The following YY1 variants were observed in gnomAD, a reference collection of about 807,000 sequenced individuals.
YY1 encodes transcriptional repressor protein YY1.
A neutral mutation model predicts 35.6 loss-of-function variants in YY1; 2 were observed. That is an observed-to-expected ratio of 0.06 (90% confidence interval 0.02 to 0.18). YY1 has a LOEUF of 0.18. YY1 is among the 10% of genes least tolerant of loss of function. The probability of loss-of-function intolerance (pLI) is 1.00; values close to 1 mark genes in which losing one functional copy is unlikely to be tolerated. For missense variants in YY1, 322 were observed against 573.4 expected (o/e 0.56, Z 4.48); for synonymous variants, 268 against 238.9 (o/e 1.12, Z -1.12).
intron 1 of YY1, among the ~76,000 whole-genome samples, chr14:100,256,979 C>CT: frequency 6.6e-6 from 1 of 151,776 alleles, no homozygotes; most frequent in East Asian, 1.9e-4. Flanking sequence ...CTTTAGGCTT[C>CT]TTTCATATAT....
At chr14:100,251,926 C>T (rs1890931151) in intron 1 of YY1, among the ~76,000 whole-genome samples, 1 of 152,122 alleles carries the variant, frequency 6.6e-6, no homozygotes, top group Non-Finnish European at 1.5e-5. Flanking sequence ...CTGTGCCTGG[C>T]CTCATTGTTT....
rs1891319960 is a variant in YY1, at chr14:100,276,466, C to A, written c.904-24C>A. 6.2e-7 allele frequency: 1 copy of A among 1,614,058 alleles called. No individual in the cohort carries two copies. The highest frequency in any genetic ancestry group is 8.5e-7 in the Non-Finnish European group (1 of 1,180,032). ...TTCTAACAGTTTGCAATGTGAACTT[C>A]TAAGCTGCTTTCTCTGTTTTAAGGG... On this transcript the variant is annotated intron_variant, in intron 3 of 4. Coordinates refer to ENST00000262238, the MANE Select transcript of YY1 (RefSeq NM_003403.5). The surrounding 1 kb of genome is among the most constrained non-coding windows in gnomAD (Gnocchi z 4.1).
intron 2 of YY1, chr14:100,265,391 CAA>C: frequency 6.7e-6 from 1 of 148,448 alleles, no homozygotes; most frequent in Non-Finnish European, 1.5e-5. Flanking sequence ...CCTCCCCCAC[CAA>C]AAAAAAAGAG....
At chr14:100,252,196 C>T (rs1172245545) in intron 1 of YY1, among the ~76,000 whole-genome samples, 2 of 152,112 alleles carry the variant, frequency 1.3e-5, no homozygotes, top group Non-Finnish European at 2.9e-5. Flanking sequence ...CTAGCCTTTC[C>T]ATTTATTTAG....
At chr14:100,258,656 A>G (rs1042115504) in intron 1 of YY1, among the ~76,000 whole-genome samples, 2 of 152,172 alleles carry the variant, frequency 1.3e-5, no homozygotes, top group African/African-American at 4.8e-5. Flanking sequence ...CCCGGCCCTC[A>G]TGAGTTTACA....
At chr14:100,270,162 C>T (rs1452889732) in intron 2 of YY1, among the ~76,000 whole-genome samples, 1 of 143,494 alleles carries the variant, frequency 7.0e-6, no homozygotes, top group East Asian at 2.1e-4. Context: ...ACTCAGGAGG[C>T]TGAGGCAGGA....
At chr14:100,275,366 G>A (rs145322624) in intron 3 of YY1, among the ~76,000 whole-genome samples, 21 of 152,262 alleles carry the variant, frequency 1.4e-4, no homozygotes, top group Admixed American at 1.2e-3. Context: ...ATGAACAATC[G>A]GAGCAGGCTA....
At chr14:100,247,395 T>C (rs1030851965) in intron 1 of YY1, among the ~76,000 whole-genome samples, 4 of 151,774 alleles carry the variant, frequency 2.6e-5, no homozygotes, top group Non-Finnish European at 5.9e-5. Flanking sequence ...TTTTTTTTTT[T>C]TTTCGAGACA....
At chr14:100,248,711 G>C (rs1419188940) in intron 1 of YY1, among the ~76,000 whole-genome samples, 4 of 138,392 alleles carry the variant, frequency 2.9e-5, no homozygotes, top group Non-Finnish European at 6.2e-5. Context: ...TTATTGAAAC[G>C]GTGTCTCGCT....
chr14:100,246,584 G>A (rs185438010), intron 1 of YY1, among the ~76,000 whole-genome samples: 19 of 152,286 alleles, frequency 1.2e-4, no homozygotes, highest in East Asian at 7.7e-4. Flanking sequence ...ATAGAGAAGC[G>A]GCTTGTGCTG....
rs1039426711 is a variant in YY1, at chr14:100,268,162, T to G, written c.842+5696T>G. Among the ~76,000 whole-genome samples the G allele has an allele frequency of 3.3e-5, 5 of 152,256 alleles. No individual in the cohort carries two copies. The South Asian group carries it at 8.3e-4, about 25-fold the overall frequency. On this transcript the variant is annotated intron_variant, in intron 2 of 4. Coordinates refer to ENST00000262238, the MANE Select transcript of YY1 (RefSeq NM_003403.5). ...CCGCAGCTGTTGGCTTAAGGTAGAA[T>G]GTAAGCTGCTTTTCTGTCTCCTCTG...
chr14:100,272,598 G>T (rs1351648525), intron 2 of YY1, among the ~76,000 whole-genome samples: 3 of 150,830 alleles, frequency 2.0e-5, no homozygotes, highest in Non-Finnish European at 3.0e-5. Context: ...AAAGAGTGGT[G>T]GTAAATTAGC....
rs563210987 is a variant in YY1 at position 100,241,988 on chromosome 14, G to C, written c.679+2065G>C. Among the ~76,000 whole-genome samples the C allele has an allele frequency of 1.6e-3, 238 of 146,464 alleles. 20 individuals carry two copies. The highest frequency in any genetic ancestry group is 5.7e-3 in the African/African-American group (229 of 40,038). Reference sequence around the variant, plus strand: ...AGACTCTGTCTCAAAAGGGGGGGGGGGGCATTTTTTTTTGTTAATACCAAT... The same window carrying C: ...AGACTCTGTCTCAAAAGGGGGGGGGCGGCATTTTTTTTTGTTAATACCAAT... On this transcript the variant is annotated intron_variant, in intron 1 of 4. Coordinates refer to ENST00000262238, the MANE Select transcript of YY1 (RefSeq NM_003403.5).
At chr14:100,257,604 T>C (rs1891022677) in intron 1 of YY1, among the ~76,000 whole-genome samples, 1 of 150,662 alleles carries the variant, frequency 6.6e-6, no homozygotes, top group Non-Finnish European at 1.5e-5. Context: ...AGCCCTCTGG[T>C]TCTCTCTATG....
intron 2 of YY1, among the ~76,000 whole-genome samples, chr14:100,268,682 T>C (rs960223422): frequency 2.0e-5 from 3 of 152,234 alleles, no homozygotes; most frequent in African/African-American, 7.2e-5. Context: ...AGATAATTCA[T>C]TGAACAAACT....
At chr14:100,262,201 G>A in intron 1 of YY1, 103 bp from the exon 2 acceptor site, 1 of 1,248,010 alleles carries the variant, frequency 8.0e-7, no homozygotes, top group African/African-American at 1.5e-5. Flanking sequence ...AATTGAGCTG[G>A]TGGCTATAAA....
chr14:100,281,061 C>T lies in YY1; in HGVS notation c.*3461C>T, dbSNP rs12717676. The T allele has an allele frequency of 4.0e-5, 4 of 100,882 alleles. No homozygotes were observed. Among genetic ancestry groups the T allele is most frequent in the Non-Finnish European group, 5.4e-5 (3 of 55,736 alleles). 6.2% of individuals were successfully genotyped at this position (100,882 alleles called of 1,614,324 possible). Reference sequence around the variant, plus strand: ...GGTGACAGAGCAAGACTCCGTCTCCCAAAAAAAAAAAAAAAAAAAAAAAAA... The same window carrying T: ...GGTGACAGAGCAAGACTCCGTCTCCTAAAAAAAAAAAAAAAAAAAAAAAAA... On this transcript the variant is annotated 3_prime_UTR_variant, in exon 5 of 5. Transcript: ENST00000262238.
intron 2 of YY1, among the ~76,000 whole-genome samples, chr14:100,266,848 A>T (rs1168283283): frequency 6.6e-6 from 1 of 152,210 alleles, no homozygotes; most frequent in Non-Finnish European, 1.5e-5. Flanking sequence ...AGGTCAAGAG[A>T]TGACAATTTT....
chr14:100,246,078 A>C (rs1479466055), intron 1 of YY1, among the ~76,000 whole-genome samples: 1 of 152,160 alleles, frequency 6.6e-6, no homozygotes, highest in East Asian at 1.9e-4. Flanking sequence ...GACCCTCTCT[A>C]AGGCTGTTGA....
Sources: allele counts gnomAD v4.1 joint callset (sites outside exome capture counted in the v4.1 genomes callset), GRCh38; gene constraint gnomAD v4.1.1; non-coding constraint Gnocchi (gnomAD v3.1); transcripts MANE v1.5; gene names NCBI Gene and HGNC (gene_info 2026-07-23, HGNC 2026-07-21).